MYH16: variants seen among roughly 807,000 people sequenced by gnomAD.
MYH16 encodes myosin heavy chain 16.
At chr7:99,270,378 G>A (rs1792032901) in intron 18 of MYH16, among the ~76,000 whole-genome samples, 1 of 149,224 alleles carries the variant, frequency 6.7e-6, no homozygotes, top group Non-Finnish European at 1.5e-5. Context: ...CTGGAGTGCA[G>A]TGGCGTGATC....
At chr7:99,271,139 C>T (rs1298907230) in intron 19 of MYH16, 1 of 152,618 alleles carries the variant, frequency 6.6e-6, no homozygotes, top group African/African-American at 2.4e-5. Flanking sequence ...GAGCCACACG[C>T]ACTCAGGGCC....
intron 40 of MYH16, among the ~76,000 whole-genome samples, chr7:99,305,228 G>A: frequency 6.6e-6 from 1 of 151,446 alleles, no homozygotes; most frequent in East Asian, 1.9e-4. Context: ...AAAGAAGGAA[G>A]GGAGGGAAAG....
At chr7:99,267,116 C>T (rs1389382247) in intron 18 of MYH16, 1 of 152,364 alleles carries the variant, frequency 6.6e-6, no homozygotes, top group Non-Finnish European at 1.5e-5. Context: ...GCCTCAGTTT[C>T]CTGAAAAATC....
chr7:99,258,048 T>C (rs557924391), intron 10 of MYH16: 2 of 152,614 alleles, frequency 1.3e-5, no homozygotes, highest in Non-Finnish European at 2.9e-5. Context: ...TGAACCACAA[T>C]AGATGTTGCC....
At chr7:99,274,361 G>A (rs1217202584) in intron 20 of MYH16, among the ~76,000 whole-genome samples, 1 of 152,252 alleles carries the variant, frequency 6.6e-6, no homozygotes, top group East Asian at 1.9e-4. Context: ...TCAGGAGAAA[G>A]GAGGACCCGC....
chr7:99,263,529 A>AG (rs960811263), intron 14 of MYH16: 1 of 152,632 alleles, frequency 6.6e-6, no homozygotes, highest in Admixed American at 6.5e-5. Flanking sequence ...AATGGAAAGA[A>AG]GAAACCAAAA....
intron 36 of MYH16, among the ~76,000 whole-genome samples, chr7:99,299,127 T>A (rs1246083824): frequency 6.6e-6 from 1 of 151,658 alleles, no homozygotes; most frequent in Non-Finnish European, 1.5e-5. Context: ...TGGCCTGTAG[T>A]CCCAGTTACT....
chr7:99,280,827 A>G, intron 22 of MYH16, 49 bp from the exon 5 acceptor site: 2 of 246,534 alleles, frequency 8.1e-6, no homozygotes, highest in Non-Finnish European at 8.4e-6. Flanking sequence ...CAAGCTGAGG[A>G]CTCCCTCCAG....
At chr7:99,288,536 G>A (rs1792318859) in intron 29 of MYH16, among the ~76,000 whole-genome samples, 1 of 150,782 alleles carries the variant, frequency 6.6e-6, no homozygotes, top group African/African-American at 2.4e-5. Flanking sequence ...GATCACCTGA[G>A]GTCACAAGTT....
chr7:99,241,771 T>C (rs190357539), intron 1 of MYH16, among the ~76,000 whole-genome samples: 1 of 152,220 alleles, frequency 6.6e-6, no homozygotes, highest in African/African-American at 2.4e-5. Context: ...ACATCTAAGG[T>C]TGCAGGCAGC....
chr7:99,309,866 T>C (rs924286182), downstream of MYH16, among the ~76,000 whole-genome samples: 14 of 152,038 alleles, frequency 9.2e-5, no homozygotes, highest in African/African-American at 3.4e-4. Context: ...ATTTTGTTTT[T>C]ATTTAATAAG....
exon 23 of MYH16, chr7:99,280,891 G>A: frequency 2.5e-6 from 1 of 408,074 alleles, no homozygotes; most frequent in Non-Finnish European, 4.9e-6. Context: ...GGATCACAAG[G>A]TCCGTACCCT....
At chr7:99,252,115 G>A (rs1007795561) in intron 6 of MYH16, among the ~76,000 whole-genome samples, 1 of 152,236 alleles carries the variant, frequency 6.6e-6, no homozygotes, top group Non-Finnish European at 1.5e-5. Flanking sequence ...ATTCACAGCA[G>A]CGAGAAGCTG....
At chr7:99,257,739 T>A (rs1224170266) in intron 10 of MYH16, among the ~76,000 whole-genome samples, 1 of 152,204 alleles carries the variant, frequency 6.6e-6, no homozygotes, top group East Asian at 1.9e-4. Flanking sequence ...CTCAACCTTG[T>A]AGGCTCAAAT....
chr7:99,289,441 T>C (rs768802263), intron 30 of MYH16, 37 bp downstream of exon 11: 20 of 328,864 alleles, frequency 6.1e-5, no homozygotes, highest in African/African-American at 3.7e-4. Flanking sequence ...TAAGGAGCAG[T>C]GCATGGAAAG....
intron 29 of MYH16, among the ~76,000 whole-genome samples, chr7:99,288,667 G>A (rs909308607): frequency 1.3e-5 from 2 of 151,484 alleles, no homozygotes; most frequent in African/African-American, 2.4e-5. Context: ...CAGCCTGGGC[G>A]ACAGAGCAAG....
At chr7:99,265,857 G>A (rs1791982220) in intron 17 of MYH16, among the ~76,000 whole-genome samples, 1 of 152,150 alleles carries the variant, frequency 6.6e-6, no homozygotes, top group Non-Finnish European at 1.5e-5. Context: ...GCATGTTCAG[G>A]GTGGTATGGC....
intron 24 of MYH16, 97 bp from the exon 7 acceptor site, chr7:99,283,776 T>C: frequency 2.3e-6 from 1 of 431,798 alleles, no homozygotes; most frequent in South Asian, 1.7e-5. Context: ...GCCCTTCTGA[T>C]GCCACAGCTA....
At chr7:99,287,967 G>A (rs913096568) in exon 29 of MYH16, 25 of 456,604 alleles carry the variant, frequency 5.5e-5, no homozygotes, top group Middle Eastern at 3.3e-4. Context: ...CCTGCAGAGC[G>A]AGGCGACGGC....
Sources: allele counts gnomAD v4.1 joint callset (sites outside exome capture counted in the v4.1 genomes callset), GRCh38; gene constraint gnomAD v4.1.1; transcripts MANE v1.5; gene names NCBI Gene and HGNC (gene_info 2026-07-23, HGNC 2026-07-21).